Variants in ATP6V0A2 observed in about 807,000 individuals in gnomAD.
The protein encoded by ATP6V0A2 is V-type proton ATPase 116 kDa subunit a 2.
A neutral mutation model predicts 104.4 loss-of-function variants in ATP6V0A2; 58 were observed. The ratio of observed to expected loss-of-function variants is 0.56; its 90% confidence interval spans 0.45 to 0.69. The LOEUF (loss-of-function observed/expected upper bound fraction) is 0.69. Among genes scored for constraint, ATP6V0A2 ranks in the 30% least tolerant of loss-of-function variants. The pLI, the probability that ATP6V0A2 is intolerant of heterozygous loss-of-function variation, is 0.00. For synonymous variants in ATP6V0A2, 376 were observed against 397.9 expected (o/e 0.95, Z 0.65); for missense variants, 938 against 1,062.9 (o/e 0.88, Z 1.63).
intron 15 of ATP6V0A2, chr12:123,750,603 T>G (rs1325818794): frequency 9.7e-6 from 2 of 205,504 alleles, no homozygotes; most frequent in Non-Finnish European, 2.0e-5. Context: ...TGATTTAGCT[T>G]TAAGTAACTA....
At chr12:123,717,790 A>G (rs146764793) in intron 1 of ATP6V0A2, among the ~76,000 whole-genome samples, 1 of 151,996 alleles carries the variant, frequency 6.6e-6, no homozygotes, top group East Asian at 1.9e-4. Context: ...CTAGTTTTCT[A>G]TTGTTGGATT....
At chr12:123,743,690 A>C (rs978941122) in intron 9 of ATP6V0A2, 95 bp from the exon 10 acceptor site, 58 of 1,472,584 alleles carry the variant, frequency 3.9e-5, no homozygotes, top group East Asian at 1.8e-4. Context: ...ACCAAAAAAA[A>C]CCAAAAAACA....
chr12:123,721,420 T>A (rs556581783), intron 2 of ATP6V0A2: 2 of 153,944 alleles, frequency 1.3e-5, no homozygotes, highest in Non-Finnish European at 1.5e-5. Flanking sequence ...ATTATAGTTA[T>A]AAACCTTCAC....
intron 18 of ATP6V0A2, among the ~76,000 whole-genome samples, chr12:123,756,099 AC>A (rs147668278): frequency 4.3e-5 from 6 of 138,330 alleles, no homozygotes; most frequent in Non-Finnish European, 9.4e-5. Flanking sequence ...AAAAAAAAAA[AC>A]CGAAAAACAA....
In ATP6V0A2 at chr12:123,752,229, T is replaced by A. The variant is rs1401686098; in HGVS notation, c.2056-54T>A. ...CAAAGAAACTATACAAGTTTGGTTT[T>A]GTCACAACCTTGTGGTTTTACAGGC... On this transcript the variant is annotated intron_variant, in intron 16 of 19. Coordinates refer to ENST00000330342, the MANE Select transcript of ATP6V0A2 (RefSeq NM_012463.4). 10 of 1,611,492 alleles carry A rather than the reference T, an allele frequency of 6.2e-6. No homozygotes were observed. In the Admixed American group the frequency reaches 1.7e-4, roughly 27 times the overall value.
chr12:123,716,384 T>C (rs1956339421), intron 1 of ATP6V0A2, among the ~76,000 whole-genome samples: 1 of 152,138 alleles, frequency 6.6e-6, no homozygotes, highest in Non-Finnish European at 1.5e-5. Context: ...TAAAAAATTA[T>C]TACCAACATT....
chr12:123,727,926 A>G lies in ATP6V0A2; in HGVS notation c.648+17A>G, dbSNP rs1055784554. ...CCTGAAACAGTGAGTAAATGTCACC[A>G]TCACCTTTTAGCAATGACGGACTAA... On this transcript the variant is annotated intron_variant, in intron 6 of 19. Transcript: ENST00000330342. 4.3e-6 allele frequency: 7 copies of G among 1,614,204 alleles called. No individual in the cohort carries two copies. Among genetic ancestry groups the G allele is most frequent in the Non-Finnish European group, 5.9e-6 (7 of 1,180,030 alleles).
chr12:123,754,346 T>G, intron 17 of ATP6V0A2, 74 bp from the exon 18 acceptor site: 1 of 1,150,562 alleles, frequency 8.7e-7, no homozygotes, highest in Non-Finnish European at 1.3e-6. Context: ...ATCCTTGAAG[T>G]GGAACCCACT....
intron 13 of ATP6V0A2, among the ~76,000 whole-genome samples, chr12:123,746,943 T>C (rs1337541177): frequency 1.3e-5 from 2 of 151,370 alleles, no homozygotes; most frequent in Non-Finnish European, 2.9e-5. Context: ...AAAAAAAAAA[T>C]TATCTTAATA....
At chr12:123,717,667 C>G (rs1956357651) in intron 1 of ATP6V0A2, among the ~76,000 whole-genome samples, 1 of 151,842 alleles carries the variant, frequency 6.6e-6, no homozygotes, top group Non-Finnish European at 1.5e-5. Flanking sequence ...TGGCCTCAAA[C>G]TACTGGCCTC....
intron 1 of ATP6V0A2, 39 bp downstream of exon 1, chr12:123,712,721 C>T (rs776227775): frequency 6.5e-7 from 1 of 1,541,288 alleles, no homozygotes; most frequent in Admixed American, 1.7e-5. Flanking sequence ...CACCTGCTCT[C>T]CTGGCGCCCC....
In ATP6V0A2 at chr12:123,760,136, T is replaced by G. The variant is rs567132604; in HGVS notation, c.*2104T>G. 6.6e-5 allele frequency: 10 copies of G among 152,290 alleles called. No individual in the cohort carries two copies. The South Asian group carries it at 2.1e-3, about 32-fold the overall frequency. 9.4% of individuals were successfully genotyped at this position (152,290 alleles called of 1,614,324 possible). A position where few individuals can be genotyped will look rare whatever the true frequency, so the allele number is the denominator to read the frequency against. On this transcript the variant is annotated 3_prime_UTR_variant, in exon 20 of 20. Transcript: ENST00000330342. ...AGACTTCAGGGCACTGTTAGCTGATTGGTAAATAAGGGACACGATATTCAC... is the reference window on the plus strand; with the variant it reads ...AGACTTCAGGGCACTGTTAGCTGATGGGTAAATAAGGGACACGATATTCAC...
At chr12:123,738,148 T>G (rs10846550) in intron 9 of ATP6V0A2, among the ~76,000 whole-genome samples, 90,862 of 151,614 alleles carry the variant, frequency 0.6, 27,829 homozygotes, top group East Asian at 0.95. Flanking sequence ...CTCACGCCTG[T>G]AACCCCAGCA....
At chr12:123,730,465 T>A (rs915700781) in intron 6 of ATP6V0A2, among the ~76,000 whole-genome samples, 8 of 152,140 alleles carry the variant, frequency 5.3e-5, no homozygotes, top group African/African-American at 1.9e-4. Context: ...TTATTTTTGG[T>A]TTTCTGAAAT....
At chr12:123,719,525 T>C (rs772415883) in intron 2 of ATP6V0A2, among the ~76,000 whole-genome samples, 1 of 152,088 alleles carries the variant, frequency 6.6e-6, no homozygotes, top group African/African-American at 2.4e-5. Context: ...TAGCTGGGAC[T>C]ATAGGTGCGT....
At chr12:123,736,912 G>T in intron 8 of ATP6V0A2, 147 bp from the exon 9 acceptor site, 1 of 798,996 alleles carries the variant, frequency 1.3e-6, no homozygotes, top group African/African-American at 1.7e-5. Flanking sequence ...AGGAAGGAAT[G>T]GCTCCCTTAG....
Position 123,724,727 on chromosome 12 carries a change from T to C in ATP6V0A2, c.368T>C (p.Leu123Pro), listed in dbSNP as rs762260351. The C allele has an allele frequency of 6.2e-7, 1 of 1,613,852 alleles. No homozygotes were observed. The highest frequency in any genetic ancestry group is 8.5e-7 in the Non-Finnish European group (1 of 1,179,888). Reference sequence around the variant, plus strand: ...AAGGAGAAACTGAGGAAAAACTTGCTGGAACTGATAGAGTACACTCACATG... The same window carrying C: ...AAGGAGAAACTGAGGAAAAACTTGCCGGAACTGATAGAGTACACTCACATG... ...KNKEKLRKNL[L>P]ELIEYTHMLR... The change falls in exon 4 of 20, where the codon CTG (leucine) becomes CCG (proline). Residue 123 changes from leucine (L) to proline (P), a missense_variant. Transcript: ENST00000330342.
At chr12:123,722,111 T>G (rs1255369323) in intron 2 of ATP6V0A2, among the ~76,000 whole-genome samples, 1 of 152,218 alleles carries the variant, frequency 6.6e-6, no homozygotes, top group Non-Finnish European at 1.5e-5. Flanking sequence ...TTTAAGTCAC[T>G]AAGAAATAGA....
In ATP6V0A2 at chr12:123,729,322, G is replaced by GTTTTTTTTTTTT. The variant is rs71308012; in HGVS notation, c.648+1424_648+1425insTTTTTTTTTTTT. On this transcript the variant is annotated intron_variant, in intron 6 of 19. Coordinates refer to ENST00000330342, the MANE Select transcript of ATP6V0A2 (RefSeq NM_012463.4). The stretch of plus-strand genomic sequence containing the variant: ...AATCAACTGTTTCTTCAAGGAGGCT[G>GTTTTTTTTTTTT]TTTTTTTTTTTGAGTGCAAATCTTG... Among the ~76,000 whole-genome samples the GTTTTTTTTTTTT allele has an allele frequency of 2.3e-4, 26 of 113,884 alleles. 2 individuals are homozygous for GTTTTTTTTTTTT. The highest frequency in any genetic ancestry group is 6.8e-4 in the East Asian group (2 of 2,932). The allele number at this position is 113,884 out of a possible 152,430, so 74.7% of individuals were successfully genotyped here. A position where few individuals can be genotyped will look rare whatever the true frequency, so the allele number is the denominator to read the frequency against.
Sources: allele counts gnomAD v4.1 joint callset (sites outside exome capture counted in the v4.1 genomes callset), GRCh38; gene constraint gnomAD v4.1.1; transcripts MANE v1.5; gene names NCBI Gene and HGNC (gene_info 2026-07-23, HGNC 2026-07-21).